CADPS2: variants seen among roughly 807,000 people sequenced by gnomAD.
The protein encoded by CADPS2 is calcium dependent secretion activator 2.
In CADPS2, 93 loss-of-function variants were observed where a neutral mutation model predicts 172.5. That is an observed-to-expected ratio of 0.54 (90% CI 0.46 to 0.64). The LOEUF (loss-of-function observed/expected upper bound fraction) is 0.64, where lower values mean the gene tolerates loss of function less well. Ranked by LOEUF, CADPS2 falls within the 30% of genes least tolerant of loss-of-function variation. CADPS2 has a pLI of 0.00. For synonymous variants in CADPS2, 546 were observed against 555.2 expected (o/e 0.98, Z 0.23); for missense variants, 1,420 against 1,565.9 (o/e 0.91, Z 1.57).
intron 6 of CADPS2, among the ~76,000 whole-genome samples, chr7:122,610,905 G>A (rs912911600): frequency 2.6e-5 from 4 of 152,232 alleles, no homozygotes; most frequent in Non-Finnish European, 5.9e-5. Flanking sequence ...CTCGGCCACT[G>A]GAGTGACATG....
At chr7:122,746,210 C>A (rs551616065) in intron 1 of CADPS2, among the ~76,000 whole-genome samples, 11 of 152,070 alleles carry the variant, frequency 7.2e-5, no homozygotes, top group Non-Finnish European at 1.0e-4. Context: ...AAGATGGATG[C>A]CCGTGAATAA....
rs557651426 is a variant in CADPS2 at position 122,521,433 on chromosome 7, CTTTCT to C, written c.1476-8123_1476-8119del. On this transcript the variant is annotated intron_variant, in intron 8 of 29. Transcript: ENST00000449022. ...AAAGGAATCTTCCTTTCACTACATT[CTTTCT>C]TTTATTTGACCCCACAAGATTAAGA... 6.6e-3 allele frequency among the ~76,000 whole-genome samples: 847 copies of C among 129,158 alleles called. 3 individuals carry two copies. Among genetic ancestry groups the C allele is most frequent in the Non-Finnish European group, 8.2e-3 (528 of 64,628 alleles). The allele number at this position is 129,158 out of a possible 152,430, so 84.7% of individuals were successfully genotyped here.
intron 7 of CADPS2, among the ~76,000 whole-genome samples, chr7:122,574,344 G>A (rs2067676325): frequency 1.4e-5 from 2 of 146,934 alleles, no homozygotes; most frequent in Middle Eastern, 3.6e-3. Flanking sequence ...TACTCTGGAA[G>A]CTGAGGTAGG....
intron 16 of CADPS2, chr7:122,439,463 T>C (rs1164282587): frequency 1.3e-5 from 2 of 152,182 alleles, no homozygotes; most frequent in Non-Finnish European, 2.9e-5. Context: ...ATTGAAAGAA[T>C]ATGAAAACAT....
intron 9 of CADPS2, among the ~76,000 whole-genome samples, chr7:122,496,164 T>A (rs2058716965): frequency 6.6e-6 from 1 of 152,146 alleles, no homozygotes; most frequent in Non-Finnish European, 1.5e-5. Flanking sequence ...TCTCTTTATT[T>A]ATTTATTTAT....
intron 1 of CADPS2, among the ~76,000 whole-genome samples, chr7:122,758,650 T>A (rs1202747922): frequency 2.6e-5 from 4 of 152,128 alleles, no homozygotes; most frequent in Non-Finnish European, 4.4e-5. Context: ...AGCAAAAGCT[T>A]CAAAAGCCCC....
In CADPS2 at chr7:122,386,348, A is replaced by C. The variant is rs1388530066; in HGVS notation, c.3312+678T>G. On this transcript the variant is annotated intron_variant, in intron 24 of 29. Coordinates refer to ENST00000449022, the MANE Select transcript of CADPS2 (RefSeq NM_017954.11). ...TGGGTGGAAAAAAAAAGATGATGAA[A>C]GAGAACAGAAGGGAAGAATAAAGAA... 6 of 1,268,278 alleles carry C rather than the reference A, an allele frequency of 4.7e-6. No individual in the cohort carries two copies. In the African/African-American group the frequency reaches 9.1e-5, roughly 19 times the overall value. The allele number at this position is 1,268,278 out of a possible 1,614,324, so 78.6% of individuals were successfully genotyped here.
At chr7:122,716,112 C>T (rs2089559288) in intron 2 of CADPS2, among the ~76,000 whole-genome samples, 1 of 151,976 alleles carries the variant, frequency 6.6e-6, no homozygotes, top group East Asian at 1.9e-4. Flanking sequence ...TCACATTATA[C>T]ACCATAAACA....
chr7:122,557,347 C>G (rs1302528997), intron 7 of CADPS2, among the ~76,000 whole-genome samples: 1 of 152,228 alleles, frequency 6.6e-6, no homozygotes, highest in African/African-American at 2.4e-5. Context: ...CAATACAGCT[C>G]TAATCAAGAG....
At chr7:122,713,768 T>C (rs1221198346) in intron 2 of CADPS2, among the ~76,000 whole-genome samples, 2 of 152,054 alleles carry the variant, frequency 1.3e-5, no homozygotes, top group African/African-American at 4.8e-5. Flanking sequence ...GGATAAAATA[T>C]TTCATGATTC....
chr7:122,553,647 C>T (rs2064613875), intron 8 of CADPS2, among the ~76,000 whole-genome samples: 2 of 152,066 alleles, frequency 1.3e-5, no homozygotes, highest in South Asian at 4.1e-4. Flanking sequence ...AAGAATCCTC[C>T]TCATTTTTTG....
chr7:122,419,750 G>A (rs1410971647), intron 17 of CADPS2, among the ~76,000 whole-genome samples: 2 of 149,826 alleles, frequency 1.3e-5, no homozygotes, highest in African/African-American at 5.1e-5. Flanking sequence ...TCATATATGT[G>A]TATAACATGT....
intron 8 of CADPS2, among the ~76,000 whole-genome samples, chr7:122,553,657 G>C (rs2064615950): frequency 6.6e-6 from 1 of 151,944 alleles, no homozygotes; most frequent in South Asian, 2.1e-4. Flanking sequence ...CTCATTTTTT[G>C]AATCATCAGT....
At chr7:122,625,339 C>T (rs991520000) in intron 4 of CADPS2, among the ~76,000 whole-genome samples, 1 of 152,234 alleles carries the variant, frequency 6.6e-6, no homozygotes, top group Non-Finnish European at 1.5e-5. Flanking sequence ...CATGAGCCAC[C>T]GCATCTAGCC....
At chr7:122,574,528 T>C (rs1053571776) in intron 7 of CADPS2, among the ~76,000 whole-genome samples, 1 of 146,738 alleles carries the variant, frequency 6.8e-6, no homozygotes, top group African/African-American at 2.5e-5. Flanking sequence ...CTAAATTCCA[T>C]CATCACTAAA....
chr7:122,822,217 C>T (rs1400047037), intron 1 of CADPS2, among the ~76,000 whole-genome samples: 3 of 151,646 alleles, frequency 2.0e-5, no homozygotes, highest in Non-Finnish European at 4.4e-5. Flanking sequence ...TATCCTGAGT[C>T]GTCCCAATTC....
intron 1 of CADPS2, among the ~76,000 whole-genome samples, chr7:122,749,586 A>G (rs768349651): frequency 1.3e-5 from 2 of 152,142 alleles, no homozygotes; most frequent in Non-Finnish European, 2.9e-5. Flanking sequence ...AAATTAAATT[A>G]TATTGATTAG....
chr7:122,438,326 G>T lies in CADPS2; in HGVS notation c.2476+15C>A. ...GGCTCTCACTGCCACTTCGACAATT[G>T]CTCACTGCACTGACCTTCTATTTTG... On this transcript the variant is annotated intron_variant, in intron 17 of 29. Coordinates refer to ENST00000449022, the MANE Select transcript of CADPS2 (RefSeq NM_017954.11). 2 of 1,612,278 alleles carry T rather than the reference G, an allele frequency of 1.2e-6. No homozygotes were observed. Among genetic ancestry groups the T allele is most frequent in the Non-Finnish European group, 1.7e-6 (2 of 1,178,768 alleles).
chr7:122,344,463 T>A (rs1200639761), intron 28 of CADPS2, among the ~76,000 whole-genome samples: 1 of 152,168 alleles, frequency 6.6e-6, no homozygotes, highest in Admixed American at 6.6e-5. Context: ...AAATGAAACA[T>A]GACGATCACA....
Sources: allele counts gnomAD v4.1 joint callset (sites outside exome capture counted in the v4.1 genomes callset), GRCh38; gene constraint gnomAD v4.1.1; transcripts MANE v1.5; gene names NCBI Gene and HGNC (gene_info 2026-07-23, HGNC 2026-07-21).